SPINT1: variants seen among roughly 807,000 people sequenced by gnomAD.
The protein encoded by SPINT1 is kunitz-type protease inhibitor 1.
Under a neutral mutation model 53.7 loss-of-function variants are expected in SPINT1, and 38 were observed. The ratio of observed to expected loss-of-function variants is 0.71; its 90% CI spans 0.55 to 0.93. The LOEUF (loss-of-function observed/expected upper bound fraction) is 0.93, where lower values mean the gene tolerates loss of function less well. Ranked by LOEUF, SPINT1 falls within the 40% of genes least tolerant of loss-of-function variation. The probability of loss-of-function intolerance (pLI) is 0.00; values close to 1 mark genes in which losing one functional copy is unlikely to be tolerated. For missense variants in SPINT1, 645 were observed against 692.9 expected (o/e 0.93, Z 0.78); for synonymous variants, 283 against 280.6 (o/e 1.01, Z -0.08).
chr15:40,854,458 T>A lies in SPINT1; in HGVS notation c.1002T>A (p.Ser334Arg). 1 of 1,613,316 alleles carries A rather than the reference T, an allele frequency of 6.2e-7. No homozygotes were observed. The highest frequency in any genetic ancestry group is 8.5e-7 in the Non-Finnish European group (1 of 1,179,816). Residue 334 changes from serine (S) to arginine (R), a missense_variant, in exon 7 of 11, where the codon AGT (serine) becomes AGA (arginine). Physicochemically the swap from Ser to Arg is moderately radical, Grantham distance 110. Coordinates refer to ENST00000562057, the MANE Select transcript of SPINT1 (RefSeq NM_003710.4). Reference protein sequence around the residue: ...FRCSNGCCIDSFLECDDTPNC... With the variant: ...FRCSNGCCIDRFLECDDTPNC... ...GCAGCAATGGCTGCTGCATCGACAG[T>A]TTCCTGGAGTGTGACGACACCCCCA...
Position 40,844,248 on chromosome 15 carries a change from C to A in SPINT1, c.-66+62C>A. ...GCGGAGCGGGCTGGAGCATGTCCGGCCCTTTGTTCTGCGCTCGTGCGTGTG... is the reference window on the plus strand; with the variant it reads ...GCGGAGCGGGCTGGAGCATGTCCGGACCTTTGTTCTGCGCTCGTGCGTGTG... On this transcript the variant is annotated intron_variant, in intron 1 of 10. Transcript: ENST00000562057. The surrounding 1 kb of genome is among the most constrained non-coding windows in gnomAD (Gnocchi z 5.8). The A allele has an allele frequency of 2.0e-6, 1 of 493,628 alleles. No homozygotes were observed. Among genetic ancestry groups the A allele is most frequent in the Non-Finnish European group, 3.7e-6 (1 of 273,008 alleles). The allele number at this position is 493,628 out of a possible 1,614,324, so 30.6% of individuals were successfully genotyped here.
chr15:40,854,001 T>G, intron 5 of SPINT1, 59 bp from the exon 6 acceptor site: 1 of 1,479,992 alleles, frequency 6.8e-7, no homozygotes, highest in South Asian at 1.2e-5. Flanking sequence ...CCACCCCAAT[T>G]ATCTCATCCC....
At chr15:40,855,819 C>T (rs1463465056) in intron 8 of SPINT1, 73 bp from the exon 9 acceptor site, 34 of 1,518,764 alleles carry the variant, frequency 2.2e-5, no homozygotes, top group South Asian at 1.5e-4. Context: ...TGGGCAGCAG[C>T]CACGTGGAGC....
At position 40,856,765 on chromosome 15, in the gene SPINT1, C is replaced by T. The variant is rs766968486; in HGVS notation, c.1337-5C>T. The T allele has an allele frequency of 3.7e-6, 6 of 1,613,970 alleles. No individual in the cohort carries two copies. The highest frequency in any genetic ancestry group is 1.7e-4 in the Middle Eastern group (1 of 6,032). ...AGCCCCTTATTCTACCCCTTCTTCC[C>T]CCAGGCTCTGTGGAGATGGCTGTCG... is the stretch of plus-strand genomic sequence containing the variant. On this transcript the variant is annotated splice_region_variant and splice_polypyrimidine_tract_variant and intron_variant, in intron 10 of 10. Transcript: ENST00000562057.
intron 2 of SPINT1, among the ~76,000 whole-genome samples, chr15:40,846,526 A>C (rs1347353815): frequency 2.6e-5 from 4 of 152,112 alleles, no homozygotes; most frequent in Non-Finnish European, 5.9e-5. Flanking sequence ...CCTGAGATTC[A>C]CCCCAGGGGA....
chr15:40,845,318 ATTTTTTTTTTT>A (rs34480117), intron 2 of SPINT1, among the ~76,000 whole-genome samples: 1 of 58,182 alleles, frequency 1.7e-5, no homozygotes, highest in African/African-American at 7.3e-5. Flanking sequence ...GACCCGGCTA[ATTTTTTTTTTT>A]TTTTTTTTTT....
intron 2 of SPINT1, among the ~76,000 whole-genome samples, chr15:40,847,283 C>T (rs1891323593): frequency 6.6e-6 from 1 of 152,156 alleles, no homozygotes; most frequent in African/African-American, 2.4e-5. Context: ...TTTATTCTCA[C>T]CTGGGTCCAG....
chr15:40,855,600 G>A lies in SPINT1; in HGVS notation c.1118-292G>A, dbSNP rs114942580. On this transcript the variant is annotated intron_variant, in intron 8 of 10. Coordinates refer to ENST00000562057, the MANE Select transcript of SPINT1 (RefSeq NM_003710.4). ...CGAGACACTGTCTTTAAAAAAAAGA[G>A]GTAAACCACCCAGTGTTGGAAAACT... 6.8e-3 allele frequency among the ~76,000 whole-genome samples: 1,037 copies of A among 152,274 alleles called. 17 individuals carry two copies. Among genetic ancestry groups the A allele is most frequent in the African/African-American group, 0.024 (1,007 of 41,542 alleles).
intron 2 of SPINT1, among the ~76,000 whole-genome samples, chr15:40,848,507 C>T (rs1215853338): frequency 1.3e-5 from 2 of 152,188 alleles, no homozygotes; most frequent in South Asian, 2.1e-4. Context: ...TGGAAACAAT[C>T]GCATTGTCTG....
intron 2 of SPINT1, among the ~76,000 whole-genome samples, chr15:40,852,048 A>G (rs954847047): frequency 2.6e-5 from 4 of 152,156 alleles, no homozygotes; most frequent in Admixed American, 2.0e-4. Context: ...AAACAAAAAA[A>G]TTATTCTTGC....
In SPINT1 at chr15:40,844,455, T is replaced by G; in HGVS notation, c.-65-35T>G. On this transcript the variant is annotated intron_variant, in intron 1 of 10. Transcript: ENST00000562057. This position sits in a 1 kb window ranked among gnomAD's most constrained non-coding sequence, Gnocchi z 5.8. ...TCCAAAGTCTCCCGGGCTGATCAGG[T>G]GTGTCTCCTCCTCTGTCCCCTCCCT... 8.3e-7 allele frequency: 1 copy of G among 1,203,024 alleles called. No individual in the cohort carries two copies. Among genetic ancestry groups the G allele is most frequent in the Non-Finnish European group, 1.2e-6 (1 of 817,738 alleles). The allele number at this position is 1,203,024 out of a possible 1,614,324, so 74.5% of individuals were successfully genotyped here.
At chr15:40,849,719 T>G (rs1891400817) in intron 2 of SPINT1, among the ~76,000 whole-genome samples, 1 of 152,236 alleles carries the variant, frequency 6.6e-6, no homozygotes, top group African/African-American at 2.4e-5. Flanking sequence ...AAATCCCAGC[T>G]CTGCCTTTAG....
At chr15:40,855,845 A>G in intron 8 of SPINT1, 47 bp from the exon 9 acceptor site, 2 of 1,574,960 alleles carry the variant, frequency 1.3e-6, no homozygotes, top group Non-Finnish European at 1.7e-6. Flanking sequence ...AGAAGGTGGC[A>G]GGGAGGCCAT....
Position 40,856,267 on chromosome 15 carries a change from A to AT in SPINT1, c.1289-7dup. On this transcript the variant is annotated splice_polypyrimidine_tract_variant and intron_variant, in intron 9 of 10. Transcript: ENST00000562057. ...GTACTGACTGGTCTTTCCCCTCATC[A>AT]TTCTGCAGAGAAGGATGTGTTTGGC... The AT allele has an allele frequency of 6.2e-7, 1 of 1,614,114 alleles. No homozygotes were observed. Among genetic ancestry groups the AT allele is most frequent in the Non-Finnish European group, 8.5e-7 (1 of 1,179,992 alleles).
At position 40,851,021 on chromosome 15, in the gene SPINT1, A is replaced by T. The variant is rs551423451; in HGVS notation, c.476-2103A>T. 3.1e-4 allele frequency among the ~76,000 whole-genome samples: 47 copies of T among 152,052 alleles called. 1 individual carries two copies. In the South Asian group the frequency reaches 9.8e-3, roughly 32 times the overall value. ...GTACTACCAGTTGTTTAATATTTGA[A>T]TGTTACTCCTGCTGTGTCCAAACAC... On this transcript the variant is annotated intron_variant, in intron 2 of 10. Transcript: ENST00000562057.
intron 10 of SPINT1, 107 bp from the exon 11 acceptor site, chr15:40,856,663 C>T (rs1891651089): frequency 1.3e-6 from 2 of 1,555,904 alleles, no homozygotes; most frequent in South Asian, 1.2e-5. Flanking sequence ...TGCCCATGTC[C>T]TTCCATACCT....
At position 40,844,795 on chromosome 15, in the gene SPINT1, G is replaced by A. The variant is rs776753954; in HGVS notation, c.241G>A (p.Val81Met). Residue 81 changes from valine to methionine, a missense_variant, in exon 2 of 11, where the codon GTG becomes ATG. Transcript: ENST00000562057. This position sits in a 1 kb window ranked among gnomAD's most constrained non-coding sequence, Gnocchi z 5.8. Reference protein sequence around the residue: ...NGATFLESPTVRRGWDCVRAC... With the variant: ...NGATFLESPTMRRGWDCVRAC... ...AGCTACCTTCCTGGAGTCCCCCACC[G>A]TGCGCCGGGGCTGGGACTGCGTGCG... is the stretch of plus-strand genomic sequence containing the variant. 6.2e-7 allele frequency: 1 copy of A among 1,613,182 alleles called. No homozygotes were observed. The highest frequency in any genetic ancestry group is 8.5e-7 in the Non-Finnish European group (1 of 1,179,650).
rs1891218361 is a variant in SPINT1 at position 40,844,609 on chromosome 15, G to A, written c.55G>A (p.Ala19Thr). The A allele has an allele frequency of 1.9e-6, 3 of 1,609,806 alleles. No homozygotes were observed. Among genetic ancestry groups the A allele is most frequent in the Non-Finnish European group, 2.5e-6 (3 of 1,178,706 alleles). Residue 19 changes from alanine (A) to threonine (T), a missense_variant, in exon 2 of 11, where the codon GCC becomes ACC. Physicochemically the swap from Ala to Thr is moderately conservative, Grantham distance 58 (BLOSUM62 0). Coordinates refer to ENST00000562057, the MANE Select transcript of SPINT1 (RefSeq NM_003710.4). The surrounding 1 kb of genome is among the most constrained non-coding windows in gnomAD (Gnocchi z 5.8). ...CCGCCTCGCCCCGGCCGGCATCCCTGCCGTCGCCTTGTGGCTTCTGTGCAC... is the reference window on the plus strand; with the variant it reads ...CCGCCTCGCCCCGGCCGGCATCCCTACCGTCGCCTTGTGGCTTCTGTGCAC... ...RARLAPAGIP[A>T]VALWLLCTLG...
At chr15:40,845,853 T>C (rs1165536087) in intron 2 of SPINT1, among the ~76,000 whole-genome samples, 1 of 152,216 alleles carries the variant, frequency 6.6e-6, no homozygotes, top group Non-Finnish European at 1.5e-5. Context: ...TCTCCTCCAC[T>C]GGCTGGACTT....
Sources: allele counts gnomAD v4.1 joint callset (sites outside exome capture counted in the v4.1 genomes callset), GRCh38; gene constraint gnomAD v4.1.1; non-coding constraint Gnocchi (gnomAD v3.1); transcripts MANE v1.5; gene names NCBI Gene and HGNC (gene_info 2026-07-23, HGNC 2026-07-21).